GRM1: variants seen among roughly 807,000 people sequenced by gnomAD.
The protein encoded by GRM1 is metabotropic glutamate receptor 1.
In GRM1, 33 loss-of-function variants were observed where a neutral mutation model predicts 90.9. That is an observed-to-expected ratio of 0.36 (90% CI 0.28 to 0.49). The LOEUF is 0.49. Among genes scored for constraint, GRM1 ranks in the 20% least tolerant of loss-of-function variants. GRM1 has a pLI of 0.99. For missense variants in GRM1, 1,190 were observed against 1,534.3 expected (o/e 0.78, Z 3.75); for synonymous variants, 700 against 613.2 (o/e 1.14, Z -2.09).
intron 2 of GRM1, among the ~76,000 whole-genome samples, chr6:146,213,924 C>T (rs370271028): frequency 6.6e-6 from 1 of 152,042 alleles, no homozygotes; most frequent in African/African-American, 2.4e-5. Flanking sequence ...GCCTAAGAAC[C>T]TAGGGGGCCA....
chr6:146,225,050 T>G (rs1174890211), intron 2 of GRM1, among the ~76,000 whole-genome samples: 1 of 152,138 alleles, frequency 6.6e-6, no homozygotes, highest in Non-Finnish European at 1.5e-5. Context: ...TCTTCCAATT[T>G]TTCTCTGCTA....
chr6:146,033,828 A>G (rs549455737), intron 1 of GRM1, among the ~76,000 whole-genome samples: 15 of 152,166 alleles, frequency 9.9e-5, no homozygotes, highest in African/African-American at 3.6e-4. Flanking sequence ...TGACATCAGA[A>G]AAAAGTCCTC....
chr6:146,303,021 T>A (rs922013843), intron 2 of GRM1, among the ~76,000 whole-genome samples: 1 of 152,178 alleles, frequency 6.6e-6, no homozygotes, highest in Non-Finnish European at 1.5e-5. Flanking sequence ...TAGACTCTAC[T>A]GTAGCTCAAA....
In GRM1 at chr6:146,270,912, TCTTCCTTCCTTC is replaced by T. The variant is rs35931210; in HGVS notation, c.951-33667_951-33656del. Among the ~76,000 whole-genome samples the T allele has an allele frequency of 2.0e-3, 171 of 86,808 alleles. 3 individuals are homozygous for T. The highest frequency in any genetic ancestry group is 5.9e-3 in the South Asian group (16 of 2,696). 56.9% of individuals were successfully genotyped at this position (86,808 alleles called of 152,430 possible). ...TTCTTTCTTTCTTTCTTTCTTTCTT[TCTTCCTTCCTTC>T]CTTCCTTCCTTCCTTCCTTCCTTCC... On this transcript the variant is annotated intron_variant, in intron 2 of 7. Transcript: ENST00000282753.
chr6:146,155,318 G>C (rs1387148533), intron 1 of GRM1, among the ~76,000 whole-genome samples: 1 of 152,100 alleles, frequency 6.6e-6, no homozygotes, highest in Non-Finnish European at 1.5e-5. Context: ...ACTTACCACT[G>C]TCTTACAGTT....
chr6:146,294,984 G>GTT (rs35338660), intron 2 of GRM1, among the ~76,000 whole-genome samples: 2 of 150,822 alleles, frequency 1.3e-5, no homozygotes, highest in Non-Finnish European at 3.0e-5. Context: ...TAGAAAGTCT[G>GTT]TTTTTTTTTA....
At chr6:146,427,959 G>T (rs966129495) in intron 7 of GRM1, among the ~76,000 whole-genome samples, 2 of 152,188 alleles carry the variant, frequency 1.3e-5, no homozygotes, top group Non-Finnish European at 2.9e-5. Context: ...AGAGAGAGAG[G>T]AGAGTTGACT....
chr6:146,260,470 A>G (rs1339287403), intron 2 of GRM1, among the ~76,000 whole-genome samples: 3 of 152,098 alleles, frequency 2.0e-5, no homozygotes, highest in African/African-American at 7.2e-5. Context: ...ATACATGTGC[A>G]TGTGTTTTAT....
At chr6:146,159,307 G>C in intron 1 of GRM1, 41 bp from the exon 2 acceptor site, 1 of 1,612,878 alleles carries the variant, frequency 6.2e-7, no homozygotes, top group East Asian at 2.2e-5. Context: ...TAGTGTTATT[G>C]CCACAGTTGT....
intron 2 of GRM1, among the ~76,000 whole-genome samples, chr6:146,261,512 C>A (rs1367472298): frequency 6.6e-6 from 1 of 152,066 alleles, no homozygotes; most frequent in Non-Finnish European, 1.5e-5. Context: ...TCAAGATTTT[C>A]TAAACTAATT....
intron 6 of GRM1, among the ~76,000 whole-genome samples, chr6:146,397,176 A>AT (rs1562666711): frequency 6.6e-6 from 1 of 152,046 alleles, no homozygotes; most frequent in South Asian, 2.1e-4. Flanking sequence ...AATACATAAA[A>AT]TTTTTTTTAA....
chr6:146,343,573 G>T (rs533319117), intron 3 of GRM1, among the ~76,000 whole-genome samples: 1 of 151,724 alleles, frequency 6.6e-6, no homozygotes, highest in East Asian at 1.9e-4. Flanking sequence ...AATTTTTTCT[G>T]TCTCTGATGG....
chr6:146,260,806 T>G (rs1188781101), intron 2 of GRM1, among the ~76,000 whole-genome samples: 1 of 35,556 alleles, frequency 2.8e-5, no homozygotes, highest in Admixed American at 2.9e-4. Context: ...TTATTTGGGT[T>G]TTTTTTTTTT....
intron 2 of GRM1, among the ~76,000 whole-genome samples, chr6:146,207,550 A>G (rs1254940494): frequency 1.3e-5 from 2 of 152,120 alleles, no homozygotes; most frequent in Non-Finnish European, 2.9e-5. Context: ...TGTATTAGCT[A>G]CTTGCATAGT....
At chr6:146,138,320 T>C (rs142965985) in intron 1 of GRM1, among the ~76,000 whole-genome samples, 1 of 152,318 alleles carries the variant, frequency 6.6e-6, no homozygotes, top group Non-Finnish European at 1.5e-5. Context: ...ATTATGTAGA[T>C]GTATCGTCCT....
At chr6:146,297,088 A>G (rs1297821183) in intron 2 of GRM1, among the ~76,000 whole-genome samples, 2 of 151,756 alleles carry the variant, frequency 1.3e-5, no homozygotes, top group Non-Finnish European at 2.9e-5. Context: ...ATTATATTTC[A>G]TTTTTTGTAT....
intron 1 of GRM1, among the ~76,000 whole-genome samples, chr6:146,129,712 G>A (rs1343503012): frequency 6.6e-6 from 1 of 152,134 alleles, no homozygotes; most frequent in Non-Finnish European, 1.5e-5. Flanking sequence ...TCTAGCCTGG[G>A]TCTGTTTTGC....
chr6:146,312,349 C>CAAAA (rs1166008558), intron 3 of GRM1, among the ~76,000 whole-genome samples: 674 of 21,310 alleles, frequency 0.032, 106 homozygotes, highest in Middle Eastern at 0.062. Flanking sequence ...AACTCCGTCT[C>CAAAA]AAAAAAAAAA....
At chr6:146,369,172 A>G (rs1479466445) in intron 5 of GRM1, among the ~76,000 whole-genome samples, 1 of 151,628 alleles carries the variant, frequency 6.6e-6, no homozygotes, top group East Asian at 1.9e-4. Context: ...CTGTGGTATC[A>G]ATTGTGGTGC....
Sources: allele counts gnomAD v4.1 joint callset (sites outside exome capture counted in the v4.1 genomes callset), GRCh38; gene constraint gnomAD v4.1.1; transcripts MANE v1.5; gene names NCBI Gene and HGNC (gene_info 2026-07-23, HGNC 2026-07-21).